TGFBR2: variants seen among roughly 807,000 people sequenced by gnomAD.
TGFBR2 encodes transforming growth factor beta receptor 2.
Under a neutral mutation model 49.0 loss-of-function variants are expected in TGFBR2, and 18 were observed. The ratio of observed to expected loss-of-function variants is 0.37; its 90% confidence interval spans 0.25 to 0.54. The LOEUF is 0.54. Ranked by LOEUF, TGFBR2 falls within the 20% of genes least tolerant of loss-of-function variation. The pLI is 0.85. For missense variants in TGFBR2, 525 were observed against 722.6 expected, an observed-to-expected ratio of 0.73 and a Z score of 3.13; for synonymous variants, 282 against 275.9, an observed-to-expected ratio of 1.02 and a Z score of -0.22.
At chr3:30,622,815 G>T (rs1698255432) in intron 1 of TGFBR2, among the ~76,000 whole-genome samples, 1 of 142,702 alleles carries the variant, frequency 7.0e-6, no homozygotes, top group Admixed American at 7.6e-5. Context: ...AGGAGACAGT[G>T]GTTGCAGTGA....
intron 2 of TGFBR2, among the ~76,000 whole-genome samples, chr3:30,646,702 A>C (rs1417073062): frequency 1.3e-5 from 2 of 152,158 alleles, no homozygotes; most frequent in African/African-American, 4.8e-5. Flanking sequence ...AATAGAATGC[A>C]GGAAAGATTG....
chr3:30,657,205 G>A (rs1372362397), intron 3 of TGFBR2, among the ~76,000 whole-genome samples: 1 of 152,280 alleles, frequency 6.6e-6, no homozygotes, highest in Admixed American at 6.5e-5. Flanking sequence ...TTCCCGTGGT[G>A]GTGGTGTGTT....
At chr3:30,658,046 G>A (rs879706636) in intron 3 of TGFBR2, among the ~76,000 whole-genome samples, 2 of 152,232 alleles carry the variant, frequency 1.3e-5, no homozygotes, top group Non-Finnish European at 2.9e-5. Context: ...CAGCTTTGCA[G>A]GGCAGAGTCT....
chr3:30,687,813 A>G lies in TGFBR2; in HGVS notation c.1397-571A>G, dbSNP rs998755354. Among the ~76,000 whole-genome samples, 6 of 152,342 alleles carry G rather than the reference A, an allele frequency of 3.9e-5. No homozygotes were observed. The South Asian group carries it at 6.2e-4, about 16-fold the overall frequency. ...TGAATATACCTGTACAAGGTACTTC[A>G]TACAAGTGGAATGATACAATATTTG... On this transcript the variant is annotated intron_variant, in intron 5 of 6. Coordinates refer to ENST00000295754, the MANE Select transcript of TGFBR2 (RefSeq NM_003242.6).
At chr3:30,627,509 A>T (rs1042515267) in intron 1 of TGFBR2, among the ~76,000 whole-genome samples, 4 of 152,042 alleles carry the variant, frequency 2.6e-5, no homozygotes, top group African/African-American at 9.7e-5. Context: ...CAGTAGCCTA[A>T]AAACCCTGTA....
intron 3 of TGFBR2, among the ~76,000 whole-genome samples, chr3:30,666,005 G>A (rs918972412): frequency 3.9e-5 from 6 of 152,118 alleles, no homozygotes; most frequent in Admixed American, 6.5e-5. Flanking sequence ...AATGGTGAGC[G>A]TAAGTCACAT....
At chr3:30,629,744 T>C (rs1453072592) in intron 1 of TGFBR2, among the ~76,000 whole-genome samples, 1 of 152,168 alleles carries the variant, frequency 6.6e-6, no homozygotes, top group Admixed American at 6.5e-5. Context: ...TTAAAGTCCA[T>C]GTGTACAAGC....
chr3:30,653,973 T>A (rs564166265), intron 3 of TGFBR2, among the ~76,000 whole-genome samples: 19 of 152,300 alleles, frequency 1.2e-4, no homozygotes, highest in African/African-American at 3.8e-4. Flanking sequence ...AAACAACTAG[T>A]GGGTATCAAA....
At chr3:30,669,902 A>G (rs903850311) in intron 3 of TGFBR2, among the ~76,000 whole-genome samples, 2 of 152,160 alleles carry the variant, frequency 1.3e-5, no homozygotes, top group Non-Finnish European at 2.9e-5. Context: ...CTCCTTTATC[A>G]GTATCATTTA....
intron 3 of TGFBR2, among the ~76,000 whole-genome samples, chr3:30,659,818 T>C (rs1216962075): frequency 6.6e-6 from 1 of 151,818 alleles, no homozygotes; most frequent in Non-Finnish European, 1.5e-5. Flanking sequence ...TCCACACCCA[T>C]GAGTAATGGC....
intron 2 of TGFBR2, among the ~76,000 whole-genome samples, chr3:30,648,105 T>A (rs76611066): frequency 0.017 from 2,515 of 152,336 alleles, 51 homozygotes; most frequent in African/African-American, 0.058. Flanking sequence ...ACCTTTCCTA[T>A]GCTCAGCTAT....
At chr3:30,629,347 G>A (rs938106117) in intron 1 of TGFBR2, among the ~76,000 whole-genome samples, 1 of 152,196 alleles carries the variant, frequency 6.6e-6, no homozygotes, top group Non-Finnish European at 1.5e-5. Context: ...TCTTGGGAGA[G>A]TTCTCTTGGC....
At chr3:30,620,103 C>T (rs11719767) in intron 1 of TGFBR2, among the ~76,000 whole-genome samples, 38,110 of 152,008 alleles carry the variant, frequency 0.25, 4,998 homozygotes, top group Admixed American at 0.33. Context: ...AGGAGAATGG[C>T]GTGAACCTGG....
chr3:30,674,618 G>T (rs1699402151), intron 5 of TGFBR2, among the ~76,000 whole-genome samples: 1 of 151,898 alleles, frequency 6.6e-6, no homozygotes, highest in Admixed American at 6.6e-5. Context: ...TTTACTTTGT[G>T]TTTTAAGATT....
chr3:30,676,508 A>G lies in TGFBR2; in HGVS notation c.1396+2262A>G, dbSNP rs903023584. On this transcript the variant is annotated intron_variant, in intron 5 of 6. Coordinates refer to ENST00000295754, the MANE Select transcript of TGFBR2 (RefSeq NM_003242.6). The surrounding 1 kb of genome is among the most constrained non-coding windows in gnomAD (Gnocchi z 4.3). ...ATCCCCTGTTCTTTGTTTACTAATT[A>G]TGTATTTATATCAGCAGGGGATTTG... Among the ~76,000 whole-genome samples, 1 of 152,170 alleles carries G rather than the reference A, an allele frequency of 6.6e-6. No individual in the cohort carries two copies. Among genetic ancestry groups the G allele is most frequent in the East Asian group, 1.9e-4 (1 of 5,202 alleles).
At chr3:30,634,436 A>T (rs1022687869) in intron 1 of TGFBR2, among the ~76,000 whole-genome samples, 2 of 152,218 alleles carry the variant, frequency 1.3e-5, no homozygotes, top group Non-Finnish European at 2.9e-5. Flanking sequence ...GTGCATTTTT[A>T]AAAATTCCCT....
At chr3:30,612,169 A>G (rs945209278) in intron 1 of TGFBR2, among the ~76,000 whole-genome samples, 1 of 152,220 alleles carries the variant, frequency 6.6e-6, no homozygotes, top group African/African-American at 2.4e-5. Context: ...GACAATTAAC[A>G]TTTGAGAACC....
chr3:30,650,113 C>T (rs181315564), intron 2 of TGFBR2, among the ~76,000 whole-genome samples, 157 bp from the exon 3 acceptor site: 13 of 152,122 alleles, frequency 8.5e-5, no homozygotes, highest in Non-Finnish European at 1.6e-4. Flanking sequence ...GGACAGCCTG[C>T]GAATGCTGGA....
chr3:30,691,165 T>C, intron 6 of TGFBR2, among the ~76,000 whole-genome samples: 1 of 152,204 alleles, frequency 6.6e-6, no homozygotes, highest in African/African-American at 2.4e-5. Context: ...TCAGGACCTA[T>C]TGTGATCAGA....
Sources: allele counts gnomAD v4.1 joint callset (sites outside exome capture counted in the v4.1 genomes callset), GRCh38; gene constraint gnomAD v4.1.1; non-coding constraint Gnocchi (gnomAD v3.1); transcripts MANE v1.5; gene names NCBI Gene and HGNC (gene_info 2026-07-23, HGNC 2026-07-21).